The following HSD17B12 variants were observed in gnomAD, a reference collection of about 807,000 sequenced individuals.
The protein encoded by HSD17B12 is hydroxysteroid 17-beta dehydrogenase 12.
Under a neutral mutation model 39.3 loss-of-function variants are expected in HSD17B12, and 32 were observed. The ratio of observed to expected loss-of-function variants is 0.81; its 90% confidence interval spans 0.61 to 1.09. The LOEUF is 1.09. Ranked by LOEUF, HSD17B12 falls within the 50% of genes least tolerant of loss-of-function variation. HSD17B12 has a pLI of 0.00. For synonymous variants in HSD17B12, 150 were observed against 146.7 expected, an observed-to-expected ratio of 1.02 and a Z score of -0.16; for missense variants, 342 against 382.9, an observed-to-expected ratio of 0.89 and a Z score of 0.89.
the HSD17B12 span, among the ~76,000 whole-genome samples, chr11:43,657,691 G>C: frequency 6.6e-6 from 1 of 152,104 alleles, no homozygotes; most frequent in Admixed American, 6.6e-5. Flanking sequence ...GAAATTCTGG[G>C]TTGAAAATTC....
At chr11:43,653,562 C>T in the HSD17B12 span, among the ~76,000 whole-genome samples, 1 of 152,110 alleles carries the variant, frequency 6.6e-6, no homozygotes. Flanking sequence ...TCCCCCACCT[C>T]ACAACAGTCC....
At chr11:43,665,799 C>G in the HSD17B12 span, among the ~76,000 whole-genome samples, 4 of 152,116 alleles carry the variant, frequency 2.6e-5, no homozygotes, top group Admixed American at 6.5e-5. Flanking sequence ...ACAAGCATGC[C>G]TTGTCTAAAA....
chr11:43,728,022 A>G (rs112363376), intron 1 of HSD17B12, among the ~76,000 whole-genome samples: 2 of 151,636 alleles, frequency 1.3e-5, no homozygotes, highest in Admixed American at 6.6e-5. Context: ...CAGTAACCAC[A>G]TGGGGGCTTG....
intron 9 of HSD17B12, chr11:43,854,488 C>G (rs1590353068): frequency 2.2e-6 from 1 of 464,142 alleles, no homozygotes; most frequent in East Asian, 3.4e-5. Context: ...TTAATACTTT[C>G]TCTGGTCTCA....
intron 4 of HSD17B12, among the ~76,000 whole-genome samples, chr11:43,801,276 G>C (rs770628183): frequency 5.3e-5 from 8 of 152,156 alleles, no homozygotes; most frequent in Non-Finnish European, 1.0e-4. Context: ...ATGAGTATGT[G>C]GGGGACAGGG....
At chr11:43,669,924 C>T in the HSD17B12 span, among the ~76,000 whole-genome samples, 1 of 152,102 alleles carries the variant, frequency 6.6e-6, no homozygotes, top group Non-Finnish European at 1.5e-5. Context: ...GTCATGTTAC[C>T]CAGGAAACAG....
intron 2 of HSD17B12, among the ~76,000 whole-genome samples, chr11:43,751,934 T>G (rs1287056642): frequency 6.6e-6 from 1 of 152,192 alleles, no homozygotes; most frequent in Non-Finnish European, 1.5e-5. Flanking sequence ...TTGCATAACA[T>G]ACAGCCCTTA....
the HSD17B12 span, among the ~76,000 whole-genome samples, chr11:43,654,685 T>C: frequency 2.6e-5 from 4 of 152,224 alleles, no homozygotes; most frequent in Non-Finnish European, 5.9e-5. Context: ...TTGTCAGGTT[T>C]GTCAAAGATC....
At chr11:43,698,078 G>GA (rs1949928316) in intron 1 of HSD17B12, among the ~76,000 whole-genome samples, 1 of 152,156 alleles carries the variant, frequency 6.6e-6, no homozygotes, top group Non-Finnish European at 1.5e-5. Context: ...TAAGGAAACT[G>GA]AGACAGGGAC....
chr11:43,587,649 A>C, the HSD17B12 span, among the ~76,000 whole-genome samples: 2 of 152,214 alleles, frequency 1.3e-5, no homozygotes, highest in Non-Finnish European at 2.9e-5. Flanking sequence ...TGAGGACAGA[A>C]ACAGATGAGA....
At chr11:43,722,740 T>C (rs1444480779) in intron 1 of HSD17B12, among the ~76,000 whole-genome samples, 2 of 152,024 alleles carry the variant, frequency 1.3e-5, no homozygotes, top group African/African-American at 2.4e-5. Flanking sequence ...TCCCAGCTAC[T>C]TGGGAGGCTG....
chr11:43,740,743 T>G (rs1950356631), intron 1 of HSD17B12, among the ~76,000 whole-genome samples: 1 of 152,238 alleles, frequency 6.6e-6, no homozygotes, highest in Non-Finnish European at 1.5e-5. Context: ...CTTCACAACC[T>G]TGCTTCATGT....
chr11:43,768,048 G>T (rs1163739506), intron 3 of HSD17B12, among the ~76,000 whole-genome samples: 2 of 152,168 alleles, frequency 1.3e-5, no homozygotes, highest in Non-Finnish European at 2.9e-5. Context: ...CGAAGTCTGG[G>T]GAGAGACCAA....
chr11:43,617,697 G>T, the HSD17B12 span, among the ~76,000 whole-genome samples: 1 of 152,090 alleles, frequency 6.6e-6, no homozygotes, highest in African/African-American at 2.4e-5. Context: ...CCAGCACACA[G>T]CAGGAATACA....
At chr11:43,605,106 G>T in the HSD17B12 span, among the ~76,000 whole-genome samples, 1 of 152,192 alleles carries the variant, frequency 6.6e-6, no homozygotes, top group Non-Finnish European at 1.5e-5. Flanking sequence ...TACAGCAAAA[G>T]CAGGTCTAGG....
chr11:43,639,790 A>G, the HSD17B12 span, among the ~76,000 whole-genome samples: 3 of 152,190 alleles, frequency 2.0e-5, no homozygotes, highest in African/African-American at 7.2e-5. Context: ...TGTTGCTGTG[A>G]AGCACCAGGG....
the HSD17B12 span, among the ~76,000 whole-genome samples, chr11:43,575,984 A>C: frequency 6.6e-6 from 1 of 152,078 alleles, no homozygotes; most frequent in Non-Finnish European, 1.5e-5. The surrounding 1 kb of genome is among the most constrained non-coding windows in gnomAD (Gnocchi z 4.1). Context: ...TCATCTGGGA[A>C]TCTCCATCGT....
intron 3 of HSD17B12, among the ~76,000 whole-genome samples, chr11:43,781,618 T>C (rs1256361073): frequency 6.6e-6 from 1 of 152,158 alleles, no homozygotes; most frequent in Non-Finnish European, 1.5e-5. Context: ...TGAATTCAAA[T>C]GGTAAAACGT....
At chr11:43,816,470 C>A (rs1044000004) in intron 6 of HSD17B12, 79 bp downstream of exon 6, 54 of 1,237,190 alleles carry the variant, frequency 4.4e-5, no homozygotes, top group Non-Finnish European at 5.8e-5. Flanking sequence ...AGCTTGTTCA[C>A]CTGAGTCTAC....
Sources: gnomAD v4.1 joint callset for allele counts (sites outside exome capture counted in the v4.1 genomes callset) on GRCh38, gnomAD v4.1.1 for gene constraint, Gnocchi (gnomAD v3.1) non-coding constraint, MANE v1.5 for transcripts, NCBI Gene and HGNC (gene_info 2026-07-23, HGNC 2026-07-21) for gene names.